The following SGCZ variants were observed in gnomAD, a reference collection of about 807,000 sequenced individuals.
SGCZ encodes sarcoglycan zeta.
A neutral mutation model predicts 41.3 loss-of-function variants in SGCZ; 40 were observed. That is an observed-to-expected ratio of 0.97 (90% CI 0.75 to 1.26). The LOEUF is 1.26. Ranked by LOEUF, SGCZ falls within the 50% of genes most tolerant of loss-of-function variation. The pLI, the probability that SGCZ is intolerant of heterozygous loss-of-function variation, is 0.00. For synonymous variants in SGCZ, 206 were observed against 137.5 expected (o/e 1.50, Z -3.49); for missense variants, 552 against 369.8 (o/e 1.49, Z -4.04).
intron 4 of SGCZ, among the ~76,000 whole-genome samples, chr8:14,232,240 A>G (rs961639603): frequency 1.3e-5 from 2 of 151,880 alleles, no homozygotes; most frequent in African/African-American, 4.8e-5. Context: ...ATTGTGGCCC[A>G]TCTGATTATC....
intron 5 of SGCZ, among the ~76,000 whole-genome samples, chr8:14,125,734 C>A (rs1426985047): frequency 1.3e-5 from 2 of 152,102 alleles, no homozygotes; most frequent in Non-Finnish European, 2.9e-5. Flanking sequence ...AACTACCAGG[C>A]TACAGTAACC....
intron 1 of SGCZ, among the ~76,000 whole-genome samples, chr8:14,627,485 C>A (rs1806500610): frequency 6.6e-6 from 1 of 152,060 alleles, no homozygotes; most frequent in African/African-American, 2.4e-5. Flanking sequence ...ACTGTCCTAT[C>A]CTCACAAAGT....
At chr8:14,278,485 T>C (rs539269573) in intron 3 of SGCZ, among the ~76,000 whole-genome samples, 3 of 152,270 alleles carry the variant, frequency 2.0e-5, no homozygotes, top group Non-Finnish European at 4.4e-5. Flanking sequence ...AGAGAAGCCA[T>C]GTTGTGAGAT....
intron 1 of SGCZ, among the ~76,000 whole-genome samples, chr8:15,069,595 A>C (rs1320313184): frequency 6.6e-6 from 1 of 152,170 alleles, no homozygotes; most frequent in African/African-American, 2.4e-5. Flanking sequence ...CCCCACTTTT[A>C]ATTCACTCTG....
chr8:14,215,253 T>A (rs1490981066), intron 4 of SGCZ, among the ~76,000 whole-genome samples: 4 of 152,132 alleles, frequency 2.6e-5, no homozygotes, highest in Non-Finnish European at 5.9e-5. Context: ...ATAATACATT[T>A]CTAAACTATC....
At chr8:14,588,423 G>A (rs945418947) in intron 1 of SGCZ, among the ~76,000 whole-genome samples, 14 of 151,312 alleles carry the variant, frequency 9.3e-5, no homozygotes, top group African/African-American at 2.4e-4. Context: ...GTAAATACAG[G>A]AAAACTTTGA....
intron 5 of SGCZ, among the ~76,000 whole-genome samples, chr8:14,126,333 C>T (rs888977592): frequency 6.6e-6 from 1 of 152,144 alleles, no homozygotes; most frequent in South Asian, 2.1e-4. Context: ...TGAACAGACA[C>T]TTCTCAAAAG....
intron 1 of SGCZ, among the ~76,000 whole-genome samples, chr8:14,757,274 C>G (rs955579093): frequency 1.9e-4 from 29 of 152,160 alleles, no homozygotes; most frequent in African/African-American, 7.0e-4. Flanking sequence ...GACTCGAACC[C>G]CTGACTTCAG....
intron 2 of SGCZ, among the ~76,000 whole-genome samples, chr8:14,369,526 G>T (rs1803837228): frequency 1.3e-5 from 2 of 151,952 alleles, no homozygotes; most frequent in South Asian, 4.1e-4. Context: ...GTAGAAGGCA[G>T]CATCTCCCAG....
At chr8:15,031,318 C>A (rs1803653989) in intron 1 of SGCZ, among the ~76,000 whole-genome samples, 1 of 152,062 alleles carries the variant, frequency 6.6e-6, no homozygotes, top group South Asian at 2.1e-4. Context: ...CTCGCCCAGG[C>A]CTTGAGGTAA....
chr8:14,571,741 G>A (rs1156915503), intron 1 of SGCZ, among the ~76,000 whole-genome samples: 7 of 152,034 alleles, frequency 4.6e-5, no homozygotes, highest in Admixed American at 6.6e-5. Context: ...ACATTTAACT[G>A]GTTTAAAATT....
At chr8:14,599,073 T>C (rs1253461014) in intron 1 of SGCZ, among the ~76,000 whole-genome samples, 5 of 152,186 alleles carry the variant, frequency 3.3e-5, no homozygotes. Flanking sequence ...CCCTACCTTA[T>C]TCATTCAACA....
chr8:15,137,983 G>T (rs1440899913), intron 1 of SGCZ, among the ~76,000 whole-genome samples: 1 of 152,126 alleles, frequency 6.6e-6, no homozygotes, highest in Non-Finnish European at 1.5e-5. Flanking sequence ...CTCAAAGCCA[G>T]CCCATGAAAG....
intron 2 of SGCZ, among the ~76,000 whole-genome samples, chr8:14,434,311 G>A (rs868807196): frequency 2.6e-4 from 40 of 152,298 alleles, no homozygotes; most frequent in African/African-American, 8.9e-4. Context: ...TCTGTATTCT[G>A]ATCCATTGGT....
At chr8:14,189,980 G>C (rs1393313811) in intron 4 of SGCZ, among the ~76,000 whole-genome samples, 1 of 150,342 alleles carries the variant, frequency 6.7e-6, no homozygotes, top group African/African-American at 2.4e-5. Flanking sequence ...CATGTTGTCA[G>C]AAATGGGAGA....
chr8:14,521,250 T>C (rs1563383102), intron 2 of SGCZ, among the ~76,000 whole-genome samples: 2 of 152,136 alleles, frequency 1.3e-5, no homozygotes, highest in African/African-American at 4.8e-5. Context: ...CACTAATCTC[T>C]TTTCTATTTA....
chr8:14,371,886 C>T (rs987304386), intron 2 of SGCZ, among the ~76,000 whole-genome samples: 10 of 151,826 alleles, frequency 6.6e-5, no homozygotes, highest in African/African-American at 2.2e-4. Context: ...CTTTATATGC[C>T]TTGAGGGTTA....
chr8:14,728,855 A>G (rs548105828), intron 1 of SGCZ, among the ~76,000 whole-genome samples: 1 of 152,330 alleles, frequency 6.6e-6, no homozygotes, highest in East Asian at 1.9e-4. Flanking sequence ...TTCTAAAGCA[A>G]CAGAGCATGC....
chr8:14,857,622 G>T (rs1803586415), intron 1 of SGCZ, among the ~76,000 whole-genome samples: 1 of 152,142 alleles, frequency 6.6e-6, no homozygotes, highest in Non-Finnish European at 1.5e-5. Flanking sequence ...CCAGCACTTT[G>T]CAAGGCTAAG....
Sources: gnomAD v4.1 joint callset for allele counts (sites outside exome capture counted in the v4.1 genomes callset) on GRCh38, gnomAD v4.1.1 for gene constraint, MANE v1.5 for transcripts, NCBI Gene and HGNC (gene_info 2026-07-23, HGNC 2026-07-21) for gene names.